EYA1: variants seen among roughly 807,000 people sequenced by gnomAD.
EYA1 encodes the protein EYA transcriptional coactivator and phosphatase 1.
A neutral mutation model predicts 82.0 loss-of-function variants in EYA1; 16 were observed. The ratio of observed to expected loss-of-function variants is 0.20; its 90% CI spans 0.13 to 0.30. The LOEUF is 0.30. Among genes scored for constraint, EYA1 ranks in the 10% least tolerant of loss-of-function variants. The probability of loss-of-function intolerance (pLI) is 1.00; values close to 1 mark genes in which losing one functional copy is unlikely to be tolerated. For synonymous variants in EYA1, 261 were observed against 264.4 expected, an observed-to-expected ratio of 0.99 and a Z score of 0.12; for missense variants, 633 against 730.7, an observed-to-expected ratio of 0.87 and a Z score of 1.54.
At chr8:71,374,080 GA>G (rs1282390484) in intron 2 of EYA1, among the ~76,000 whole-genome samples, 4 of 152,032 alleles carry the variant, frequency 2.6e-5, no homozygotes, top group African/African-American at 9.7e-5. Flanking sequence ...TCTTGGTGAT[GA>G]TTTTTTTGGA....
chr8:71,538,070 T>C (rs1406530392), intron 1 of EYA1, among the ~76,000 whole-genome samples: 1 of 152,228 alleles, frequency 6.6e-6, no homozygotes, highest in East Asian at 1.9e-4. Flanking sequence ...CTCCAGTGCT[T>C]GCTAAATCAG....
intron 16 of EYA1, among the ~76,000 whole-genome samples, chr8:71,215,012 TTA>T (rs1271374514): frequency 1.3e-5 from 2 of 152,260 alleles, no homozygotes; most frequent in African/African-American, 4.8e-5. Context: ...AAATCTGTTA[TTA>T]GAGTTGTTTC....
rs566894382 is a variant in EYA1, at chr8:71,199,260, G to C, written c.*80C>G. ...CGGAAATTGCTAAGTTCTGGAGGCC[G>C]GCGCTGATGCGAGACTGGGGCCTGC... is the stretch of plus-strand genomic sequence containing the variant. On this transcript the variant is annotated 3_prime_UTR_variant, in exon 18 of 18. Coordinates refer to ENST00000340726, the MANE Select transcript of EYA1 (RefSeq NM_000503.6). 1.4e-5 allele frequency: 15 copies of C among 1,037,980 alleles called. No homozygotes were observed. The highest frequency in any genetic ancestry group is 2.2e-5 in the Non-Finnish European group (15 of 685,426). The allele number at this position is 1,037,980 out of a possible 1,614,324, so 64.3% of individuals were successfully genotyped here.
intron 2 of EYA1, among the ~76,000 whole-genome samples, chr8:71,475,684 T>C (rs1586791539): frequency 6.6e-6 from 1 of 152,322 alleles, no homozygotes; most frequent in East Asian, 1.9e-4. Context: ...ATTCTTTTCA[T>C]GGCCATTAGA....
chr8:71,420,125 T>C (rs1831064330), intron 2 of EYA1, among the ~76,000 whole-genome samples: 1 of 152,182 alleles, frequency 6.6e-6, no homozygotes, highest in Non-Finnish European at 1.5e-5. Context: ...GTCTAATAAA[T>C]AATTAAATTT....
chr8:71,401,751 T>G (rs146123686), intron 2 of EYA1, among the ~76,000 whole-genome samples: 3 of 152,228 alleles, frequency 2.0e-5, no homozygotes, highest in African/African-American at 7.2e-5. Context: ...GAAGCTCCGC[T>G]TGGCATTGAG....
intron 2 of EYA1, among the ~76,000 whole-genome samples, chr8:71,535,073 CT>C (rs34082903): frequency 9.2e-5 from 14 of 151,798 alleles, no homozygotes; most frequent in African/African-American, 2.7e-4. Context: ...CTGAAATATG[CT>C]TTTTTTTAAA....
intron 2 of EYA1, among the ~76,000 whole-genome samples, chr8:71,399,312 T>G (rs1829819192): frequency 6.6e-6 from 1 of 152,088 alleles, no homozygotes; most frequent in African/African-American, 2.4e-5. Flanking sequence ...GTGAGATGAA[T>G]CCAGTACCTC....
intron 2 of EYA1, among the ~76,000 whole-genome samples, chr8:71,456,082 C>A (rs933371387): frequency 3.6e-4 from 54 of 151,880 alleles, no homozygotes; most frequent in Non-Finnish European, 6.6e-4. Context: ...AATCAATGTG[C>A]AAAAATCACA....
intron 2 of EYA1, among the ~76,000 whole-genome samples, chr8:71,384,017 T>TA (rs1828848441): frequency 6.6e-6 from 1 of 151,492 alleles, no homozygotes. Context: ...TTACTATCTT[T>TA]ACTTTTTTTT....
intron 2 of EYA1, among the ~76,000 whole-genome samples, chr8:71,413,555 ACTTCAAATATGCAGACTTAAAACAAC>A: frequency 6.6e-6 from 1 of 152,366 alleles, no homozygotes; most frequent in Non-Finnish European, 1.5e-5. Context: ...TTGGAAATTT[ACTTCAAATATGCAGACTTAAAACAAC>A]CTTCTCTATG....
chr8:71,242,365 G>A (rs1812575981), intron 12 of EYA1, among the ~76,000 whole-genome samples: 1 of 151,960 alleles, frequency 6.6e-6, no homozygotes, highest in Non-Finnish European at 1.5e-5. Flanking sequence ...ATCAACTTTT[G>A]TAAGGCTACA....
intron 2 of EYA1, among the ~76,000 whole-genome samples, chr8:71,419,110 A>G (rs531651335): frequency 1.3e-5 from 2 of 152,286 alleles, no homozygotes; most frequent in South Asian, 2.1e-4. Context: ...TCTGCAGAGT[A>G]AAATAAAGAA....
chr8:71,242,548 A>G (rs1430298734), intron 12 of EYA1, among the ~76,000 whole-genome samples: 1 of 152,190 alleles, frequency 6.6e-6, no homozygotes, highest in Non-Finnish European at 1.5e-5. Context: ...GTTTACAGAA[A>G]AAAATACATC....
intron 2 of EYA1, among the ~76,000 whole-genome samples, chr8:71,430,606 T>C (rs1176936814): frequency 6.6e-6 from 1 of 152,184 alleles, no homozygotes; most frequent in African/African-American, 2.4e-5. Flanking sequence ...AGTTGAGTCA[T>C]GTCTAGAAAT....
intron 12 of EYA1, among the ~76,000 whole-genome samples, chr8:71,232,903 G>C (rs754195894): frequency 1.3e-5 from 2 of 152,100 alleles, no homozygotes; most frequent in Non-Finnish European, 2.9e-5. Flanking sequence ...TGCTTCCTGC[G>C]AGCCAGTGCT....
intron 2 of EYA1, among the ~76,000 whole-genome samples, chr8:71,368,419 A>T (rs1404761848): frequency 6.6e-6 from 1 of 152,110 alleles, no homozygotes; most frequent in African/African-American, 2.4e-5. Context: ...TGAGAGGAGG[A>T]TCTTCCCTGC....
At chr8:71,443,253 T>C (rs188512550) in intron 2 of EYA1, among the ~76,000 whole-genome samples, 1 of 152,288 alleles carries the variant, frequency 6.6e-6, no homozygotes, top group East Asian at 1.9e-4. Flanking sequence ...AAAAAATCTA[T>C]GGCAGAGACA....
intron 2 of EYA1, among the ~76,000 whole-genome samples, chr8:71,416,385 T>G (rs998682122): frequency 6.6e-6 from 1 of 152,238 alleles, no homozygotes; most frequent in African/African-American, 2.4e-5. Context: ...GCGTTGCAGT[T>G]GTGCCATCTG....
Sources: gnomAD v4.1 joint callset for allele counts (sites outside exome capture counted in the v4.1 genomes callset) on GRCh38, gnomAD v4.1.1 for gene constraint, MANE v1.5 for transcripts, NCBI Gene and HGNC (gene_info 2026-07-23, HGNC 2026-07-21) for gene names.